The following KIRREL1 variants were observed in gnomAD, a reference collection of about 807,000 sequenced individuals.
KIRREL1 encodes the protein kin of IRRE-like protein 1.
In KIRREL1, 25 loss-of-function variants were observed where a neutral mutation model predicts 83.3. The ratio of observed to expected loss-of-function variants is 0.30; its 90% confidence interval spans 0.22 to 0.42. KIRREL1 has a LOEUF of 0.42. Among genes scored for constraint, KIRREL1 ranks in the 10% least tolerant of loss-of-function variants. The pLI, the probability that KIRREL1 is intolerant of heterozygous loss-of-function variation, is 1.00. For missense variants in KIRREL1, 812 were observed against 1,032.3 expected, an observed-to-expected ratio of 0.79 and a Z score of 2.92; for synonymous variants, 388 against 410.4, an observed-to-expected ratio of 0.95 and a Z score of 0.66.
At chr1:158,067,547 A>C (rs530311591) in intron 1 of KIRREL1, among the ~76,000 whole-genome samples, 5 of 152,308 alleles carry the variant, frequency 3.3e-5, no homozygotes, top group Middle Eastern at 6.8e-3. Context: ...GACATTAGAG[A>C]TGGGAAGGCC....
intron 1 of KIRREL1, among the ~76,000 whole-genome samples, chr1:158,010,362 C>CACACACACACA (rs1553236082): frequency 1.5e-5 from 2 of 130,908 alleles, no homozygotes; most frequent in African/African-American, 6.4e-5. Flanking sequence ...CACACACACA[C>CACACACACACA]CCCACACAGT....
intron 3 of KIRREL1, among the ~76,000 whole-genome samples, chr1:158,080,646 G>T (rs964295063): frequency 2.6e-5 from 4 of 152,262 alleles, no homozygotes; most frequent in African/African-American, 9.6e-5. Flanking sequence ...ACACGCCTGG[G>T]CAAACACCTG....
Position 158,089,505 on chromosome 1 carries a change from C to G in KIRREL1, c.1048C>G (p.Leu350Val), listed in dbSNP as rs567539621. Residue 350 changes from leucine (L) to valine (V), a missense_variant, in exon 9 of 15, where the codon CTG becomes GTG. Transcript: ENST00000359209. ...CGAGGCTGCTCTCTCTGCCCAGGTC[C>G]TGAGTAACAGCAACCAGCTGCTGCT... ...TWTKKDSNMVLSNSNQLLLKS... is the reference protein window; with the variant it reads ...TWTKKDSNMVVSNSNQLLLKS... 1 of 1,614,082 alleles carries G rather than the reference C, an allele frequency of 6.2e-7. No homozygotes were observed. The highest frequency in any genetic ancestry group is 8.5e-7 in the Non-Finnish European group (1 of 1,180,046).
intron 1 of KIRREL1, among the ~76,000 whole-genome samples, chr1:158,023,472 C>T (rs1195889092): frequency 6.6e-6 from 1 of 152,112 alleles, no homozygotes; most frequent in African/African-American, 2.4e-5. Context: ...TCAAATATAG[C>T]AAAGAGACAG....
intron 2 of KIRREL1, among the ~76,000 whole-genome samples, chr1:158,077,388 T>G (rs538891117): frequency 5.5e-4 from 83 of 152,006 alleles, no homozygotes; most frequent in African/African-American, 1.9e-3. Flanking sequence ...ATGGTGGGAA[T>G]GTGAGGGGAG....
chr1:158,035,586 T>A (rs1252681186), intron 1 of KIRREL1, among the ~76,000 whole-genome samples: 1 of 152,210 alleles, frequency 6.6e-6, no homozygotes, highest in African/African-American at 2.4e-5. Context: ...TGGAGCCCTG[T>A]TAAATAAGAA....
At chr1:158,019,385 C>T (rs1659936670) in intron 1 of KIRREL1, among the ~76,000 whole-genome samples, 1 of 152,122 alleles carries the variant, frequency 6.6e-6, no homozygotes, top group Non-Finnish European at 1.5e-5. Flanking sequence ...ATGTCCTGTA[C>T]TAGTATCATT....
chr1:158,020,791 G>A (rs943536004), intron 1 of KIRREL1, among the ~76,000 whole-genome samples: 6 of 152,032 alleles, frequency 3.9e-5, no homozygotes, highest in East Asian at 1.9e-4. Flanking sequence ...TCTTCAGTAC[G>A]ACATAATTAG....
chr1:158,033,349 G>A (rs1412284644), intron 1 of KIRREL1, among the ~76,000 whole-genome samples: 2 of 152,210 alleles, frequency 1.3e-5, no homozygotes, highest in Non-Finnish European at 2.9e-5. Context: ...TGGGATTACA[G>A]GCGTGAGCCA....
chr1:158,013,099 C>T (rs1659731562), intron 1 of KIRREL1, among the ~76,000 whole-genome samples: 2 of 152,256 alleles, frequency 1.3e-5, no homozygotes, highest in African/African-American at 4.8e-5. Flanking sequence ...ATGAAGTCTT[C>T]TGACTCCCCT....
chr1:158,036,967 C>G (rs887749857), intron 1 of KIRREL1, among the ~76,000 whole-genome samples: 7 of 152,174 alleles, frequency 4.6e-5, no homozygotes, highest in Non-Finnish European at 1.0e-4. Context: ...CACCCGGAGT[C>G]TTGGACTTCG....
At chr1:158,037,789 T>G (rs896194695) in intron 1 of KIRREL1, among the ~76,000 whole-genome samples, 1 of 152,160 alleles carries the variant, frequency 6.6e-6, no homozygotes. Flanking sequence ...CAGGTAGCAG[T>G]TGGCTTGTTG....
Position 158,093,462 on chromosome 1 carries a change from G to A in KIRREL1, c.1579+16G>A, listed in dbSNP as rs752268136. 1.2e-5 allele frequency: 20 copies of A among 1,611,156 alleles called. No homozygotes were observed. Among genetic ancestry groups the A allele is most frequent in the Non-Finnish European group, 4.2e-6 (5 of 1,177,412 alleles). ...CGCAAAGGCAGTGAGTATGGGCCCT[G>A]TGCAGCCCACAGCCTTCCCCTGGCT... On this transcript the variant is annotated intron_variant, in intron 12 of 14. Coordinates refer to ENST00000359209, the MANE Select transcript of KIRREL1 (RefSeq NM_018240.7).
At chr1:158,071,000 C>T (rs1171962786) in intron 1 of KIRREL1, among the ~76,000 whole-genome samples, 5 of 152,134 alleles carry the variant, frequency 3.3e-5, no homozygotes, top group Admixed American at 3.3e-4. Context: ...GAGTGTCCAA[C>T]CCTGGGGCAG....
Position 158,004,157 on chromosome 1 carries a change from G to A in KIRREL1, c.52+10429G>A, listed in dbSNP as rs147740149. On this transcript the variant is annotated intron_variant, in intron 1 of 14. Coordinates refer to ENST00000359209, the MANE Select transcript of KIRREL1 (RefSeq NM_018240.7). ...TCATCTATAAAATGCAAATGATTACGTCTATCTTCTAGGGTTGTTGTGAGG... is the reference window on the plus strand; with the variant it reads ...TCATCTATAAAATGCAAATGATTACATCTATCTTCTAGGGTTGTTGTGAGG... Among the ~76,000 whole-genome samples the A allele has an allele frequency of 5.3e-3, 803 of 152,250 alleles. 5 individuals carry two copies. The highest frequency in any genetic ancestry group is 0.018 in the African/African-American group (753 of 41,548).
intron 1 of KIRREL1, among the ~76,000 whole-genome samples, chr1:158,060,291 C>A (rs138228438): frequency 6.6e-6 from 1 of 152,138 alleles, no homozygotes; most frequent in Non-Finnish European, 1.5e-5. Flanking sequence ...GACCTTTGCC[C>A]CTCCTTCTCA....
chr1:158,030,043 AT>A (rs1439786575), intron 1 of KIRREL1, among the ~76,000 whole-genome samples: 4 of 152,204 alleles, frequency 2.6e-5, no homozygotes, highest in South Asian at 2.1e-4. Flanking sequence ...ATCCCTGTGT[AT>A]AAGGCAGGTC....
rs58719060 is a variant in KIRREL1, at chr1:157,997,468, G to GGTGTGTGT, written c.52+3755_52+3762dup. ...TTCTTCTCCCTATGATTCTTTGTGGGGTGTGTGTGTGTGTGTGTGTGTTTT... is the reference window on the plus strand; with the variant it reads ...TTCTTCTCCCTATGATTCTTTGTGGGGTGTGTGTGTGTGTGTGTGTGTGTGTGTGTTTT... On this transcript the variant is annotated intron_variant, in intron 1 of 14. Coordinates refer to ENST00000359209, the MANE Select transcript of KIRREL1 (RefSeq NM_018240.7). Among the ~76,000 whole-genome samples, 119 of 149,700 alleles carry GGTGTGTGT rather than the reference G, an allele frequency of 7.9e-4. 3 individuals carry two copies. In the East Asian group the frequency reaches 0.016, roughly 20 times the overall value.
At chr1:158,027,060 C>A (rs886938350) in intron 1 of KIRREL1, among the ~76,000 whole-genome samples, 1 of 152,134 alleles carries the variant, frequency 6.6e-6, no homozygotes, top group Admixed American at 6.5e-5. Flanking sequence ...GTTGAGGGCT[C>A]AGTCCCACAA....
Sources: allele counts gnomAD v4.1 joint callset (sites outside exome capture counted in the v4.1 genomes callset), GRCh38; gene constraint gnomAD v4.1.1; transcripts MANE v1.5; gene names NCBI Gene and HGNC (gene_info 2026-07-23, HGNC 2026-07-21).